Variants in LRMDA observed in about 807,000 individuals in gnomAD.
LRMDA encodes the protein leucine rich melanocyte differentiation associated.
In LRMDA, 18 loss-of-function variants were observed where a neutral mutation model predicts 29.8. The ratio of observed to expected loss-of-function variants is 0.60; its 90% confidence interval spans 0.42 to 0.90. The LOEUF is 0.90. Ranked by LOEUF, LRMDA falls within the 40% of genes least tolerant of loss-of-function variation. LRMDA has a pLI of 0.00. For synonymous variants in LRMDA, 125 were observed against 109.4 expected (o/e 1.14, Z -0.89); for missense variants, 273 against 273.9 (o/e 1.00, Z 0.02).
chr10:75,918,682 C>G (rs1845975249), intron 2 of LRMDA, among the ~76,000 whole-genome samples: 1 of 152,202 alleles, frequency 6.6e-6, no homozygotes. Flanking sequence ...CCTTCAGAAG[C>G]AGATGTCTTG....
At chr10:75,755,035 T>A (rs540698751) in intron 2 of LRMDA, among the ~76,000 whole-genome samples, 1 of 150,302 alleles carries the variant, frequency 6.7e-6, no homozygotes, top group African/African-American at 2.5e-5. Context: ...CATGGAAAAG[T>A]TTTTTGGTTT....
intron 2 of LRMDA, among the ~76,000 whole-genome samples, chr10:75,891,163 G>A (rs894125811): frequency 3.3e-5 from 5 of 151,826 alleles, no homozygotes; most frequent in African/African-American, 7.3e-5. Context: ...GTTGTGTAGC[G>A]TAGTGGCTGG....
At chr10:76,142,570 T>A (rs566248738) in intron 5 of LRMDA, among the ~76,000 whole-genome samples, 5 of 152,248 alleles carry the variant, frequency 3.3e-5, no homozygotes, top group African/African-American at 9.6e-5. Flanking sequence ...TTACTAAACT[T>A]CATCTGTGTT....
At chr10:75,506,703 T>G (rs1257909104) in intron 2 of LRMDA, among the ~76,000 whole-genome samples, 1 of 152,252 alleles carries the variant, frequency 6.6e-6, no homozygotes, top group Non-Finnish European at 1.5e-5. Flanking sequence ...TGTTGGTCCC[T>G]TGGCCGGTGC....
At chr10:76,504,873 T>A (rs1281117082) in intron 6 of LRMDA, among the ~76,000 whole-genome samples, 1 of 152,034 alleles carries the variant, frequency 6.6e-6, no homozygotes, top group East Asian at 1.9e-4. Context: ...TAGAATTGAT[T>A]GTGTAGTTTC....
At chr10:75,471,134 C>T (rs1338658335) in intron 2 of LRMDA, among the ~76,000 whole-genome samples, 4 of 152,106 alleles carry the variant, frequency 2.6e-5, no homozygotes, top group South Asian at 2.1e-4. Context: ...CGTTTTCTAA[C>T]TGCCTTTTTA....
intron 5 of LRMDA, among the ~76,000 whole-genome samples, chr10:76,092,617 T>G (rs11001611): frequency 0.42 from 63,347 of 152,138 alleles, 13,719 homozygotes; most frequent in Non-Finnish European, 0.44. Context: ...TGAATTACCA[T>G]CTCAGGTGTT....
chr10:75,432,579 G>A (rs962193474), intron 1 of LRMDA, among the ~76,000 whole-genome samples: 4 of 152,212 alleles, frequency 2.6e-5, no homozygotes, highest in African/African-American at 4.8e-5. Flanking sequence ...TGAAGCCAGA[G>A]CCCTCTTACT....
intron 2 of LRMDA, among the ~76,000 whole-genome samples, chr10:75,856,305 G>A (rs955897713): frequency 2.0e-5 from 3 of 152,030 alleles, no homozygotes; most frequent in African/African-American, 7.2e-5. Flanking sequence ...GGATTCCTAG[G>A]TATTTTATTT....
At chr10:75,462,748 C>T (rs1486278263) in intron 2 of LRMDA, among the ~76,000 whole-genome samples, 4 of 152,120 alleles carry the variant, frequency 2.6e-5, no homozygotes, top group Non-Finnish European at 4.4e-5. Context: ...TCTACCTTTG[C>T]AAGATATGAA....
chr10:76,206,474 G>A (rs544213644), intron 5 of LRMDA, among the ~76,000 whole-genome samples: 2 of 152,272 alleles, frequency 1.3e-5, no homozygotes, highest in South Asian at 4.2e-4. Context: ...TCTGGACTGG[G>A]AACTCCTGGA....
chr10:75,597,626 G>A (rs967997543), intron 2 of LRMDA, among the ~76,000 whole-genome samples: 7 of 152,268 alleles, frequency 4.6e-5, no homozygotes, highest in Admixed American at 3.9e-4. Flanking sequence ...CTGTGGGGAT[G>A]TTTTATCCCC....
intron 2 of LRMDA, among the ~76,000 whole-genome samples, chr10:76,031,427 G>C (rs905204172): frequency 1.5e-4 from 23 of 152,192 alleles, no homozygotes; most frequent in African/African-American, 4.8e-4. Flanking sequence ...TGGTCCTGCT[G>C]TCTGTCCCAT....
chr10:75,475,778 T>G (rs935690488), intron 2 of LRMDA, among the ~76,000 whole-genome samples: 10 of 152,160 alleles, frequency 6.6e-5, no homozygotes, highest in African/African-American at 2.4e-4. Flanking sequence ...AAATTAAACC[T>G]AATCAGGAGG....
At chr10:76,145,594 A>G (rs907580977) in intron 5 of LRMDA, among the ~76,000 whole-genome samples, 4 of 152,056 alleles carry the variant, frequency 2.6e-5, no homozygotes, top group Admixed American at 6.5e-5. Context: ...CTTCTTTAGT[A>G]GTCTTGCTAA....
intron 2 of LRMDA, among the ~76,000 whole-genome samples, chr10:75,989,764 A>C (rs1287363134): frequency 6.6e-6 from 1 of 152,204 alleles, no homozygotes; most frequent in Non-Finnish European, 1.5e-5. Context: ...GGTCTGTTCA[A>C]GTTCAAACAG....
At chr10:76,219,093 C>A (rs569024784) in intron 5 of LRMDA, among the ~76,000 whole-genome samples, 4 of 152,166 alleles carry the variant, frequency 2.6e-5, no homozygotes, top group Admixed American at 6.5e-5. Flanking sequence ...CAGGCCTGCC[C>A]TAAAAGAACT....
intron 2 of LRMDA, among the ~76,000 whole-genome samples, chr10:75,534,944 G>A (rs1589172583): frequency 2.0e-5 from 3 of 152,068 alleles, no homozygotes; most frequent in East Asian, 1.9e-4. Context: ...ATACCCATAA[G>A]CTTCATTAAA....
intron 2 of LRMDA, among the ~76,000 whole-genome samples, chr10:75,578,917 T>C (rs1463142813): frequency 1.3e-5 from 2 of 150,732 alleles, no homozygotes; most frequent in Admixed American, 1.3e-4. Context: ...TTTAAAGTAG[T>C]GTGTAGAGGG....
Sources: gnomAD v4.1 joint callset for allele counts (sites outside exome capture counted in the v4.1 genomes callset) on GRCh38, gnomAD v4.1.1 for gene constraint, MANE v1.5 for transcripts, NCBI Gene and HGNC (gene_info 2026-07-23, HGNC 2026-07-21) for gene names.